FAXDC2: variants seen among roughly 807,000 people sequenced by gnomAD.
FAXDC2 encodes the protein fatty acid hydroxylase domain containing 2, also known as fatty acid hydroxylase domain-containing protein 2.
In FAXDC2, 41 loss-of-function variants were observed where a neutral mutation model predicts 40.9. The ratio of observed to expected loss-of-function variants is 1.00; its 90% CI spans 0.78 to 1.30. The LOEUF is 1.30. FAXDC2 is among the 50% of genes most tolerant of loss of function. The pLI is 0.00. For missense variants in FAXDC2, 390 were observed against 408.8 expected (o/e 0.95, Z 0.40); for synonymous variants, 157 against 149.3 (o/e 1.05, Z -0.38).
chr5:154,830,273 TATC>T (rs2113140394), intron 5 of FAXDC2: 1 of 153,124 alleles, frequency 6.5e-6, no homozygotes, highest in African/African-American at 2.4e-5. Flanking sequence ...GGGCCTCACT[TATC>T]ATGGATTTGC....
chr5:154,824,466 C>T (rs748215051), intron 5 of FAXDC2: 1 of 702,494 alleles, frequency 1.4e-6, no homozygotes, highest in South Asian at 1.5e-5. Context: ...CTGCCTCTTC[C>T]TCCAGCCTTT....
intron 7 of FAXDC2, among the ~76,000 whole-genome samples, chr5:154,821,732 A>G (rs568998544): frequency 1.3e-5 from 2 of 152,238 alleles, no homozygotes; most frequent in South Asian, 4.1e-4. Flanking sequence ...GGATTGCTTG[A>G]GGCCAGGGGT....
intron 5 of FAXDC2, among the ~76,000 whole-genome samples, chr5:154,825,702 G>A (rs13158506): frequency 7.3e-6 from 1 of 137,292 alleles, no homozygotes; most frequent in Non-Finnish European, 1.5e-5. Context: ...TGGTGAATTA[G>A]ACCAGGGTAA....
chr5:154,835,635 C>CA (rs1315688629), intron 2 of FAXDC2, among the ~76,000 whole-genome samples: 1 of 151,680 alleles, frequency 6.6e-6, no homozygotes, highest in Admixed American at 6.6e-5. Context: ...GGCTGGAGTG[C>CA]AGTGGCACGA....
Position 154,834,928 on chromosome 5 carries a change from G to A in FAXDC2, c.55C>T (p.His19Tyr). The change falls in exon 3 of 9, where the codon CAC becomes TAC. Residue 19 changes from histidine to tyrosine, a missense_variant. By Grantham distance (83) the His-to-Tyr change is moderately conservative (BLOSUM62 2). Transcript: ENST00000326080. Reference protein sequence around the residue: ...LHNEKSKQEGHIWGSMRRTAF... With the variant: ...LHNEKSKQEGYIWGSMRRTAF... The stretch of plus-strand genomic sequence containing the variant: ...GTCCTCCTCATAGAGCCCCAGATGT[G>A]TCCCTCCTGGAGGAGGGCAGGGAAG... 6.3e-7 allele frequency: 1 copy of A among 1,594,122 alleles called. No individual in the cohort carries two copies. Among genetic ancestry groups the A allele is most frequent in the Non-Finnish European group, 8.6e-7 (1 of 1,168,680 alleles).
rs1259431722 is a variant in FAXDC2, at chr5:154,820,084, GT to G, written c.*231del. The G allele has an allele frequency of 2.2e-6, 1 of 449,492 alleles. No individual in the cohort carries two copies. The highest frequency in any genetic ancestry group is 4.2e-6 in the Non-Finnish European group (1 of 239,316). The allele number at this position is 449,492 out of a possible 1,614,324, so 27.8% of individuals were successfully genotyped here. ...ACCAGCCTCCAGTCTGGGGAGCTGT[GT>G]TTTCCTTTTTCTTAAGCTAACTCCT... On this transcript the variant is annotated 3_prime_UTR_variant, in exon 9 of 9. Transcript: ENST00000326080.
chr5:154,842,947 C>G (rs1332232770), intron 1 of FAXDC2, among the ~76,000 whole-genome samples: 14 of 152,060 alleles, frequency 9.2e-5, no homozygotes, highest in Non-Finnish European at 1.9e-4. Context: ...ACTGGGATTA[C>G]AGGCATGAAC....
chr5:154,832,014 T>A (rs1760204577), intron 4 of FAXDC2, among the ~76,000 whole-genome samples: 1 of 152,132 alleles, frequency 6.6e-6, no homozygotes, highest in South Asian at 2.1e-4. Context: ...GAAAGATACC[T>A]ACAATCTATT....
At position 154,822,667 on chromosome 5, in the gene FAXDC2, G is replaced by A. The variant is rs558541850; in HGVS notation, c.573-90C>T. On this transcript the variant is annotated intron_variant, in intron 6 of 8. Transcript: ENST00000326080. ...GAGAAACCAAAAATAGGAACTAGGG[G>A]TTACATCCATGGAGCAAAGTTAACA... 4.1e-6 allele frequency: 4 copies of A among 970,300 alleles called. No homozygotes were observed. In the African/African-American group the frequency reaches 4.8e-5, roughly 12 times the overall value. The allele number at this position is 970,300 out of a possible 1,614,324, so 60.1% of individuals were successfully genotyped here.
rs1212348840 is a variant in FAXDC2 at position 154,824,131 on chromosome 5, T to G, written c.367-539A>C. On this transcript the variant is annotated intron_variant, in intron 5 of 8. Coordinates refer to ENST00000326080, the MANE Select transcript of FAXDC2 (RefSeq NM_032385.5). ...CTGCTTATCCAGCTTCTTGACCAACTTGCTGGTTTTCACAGTGATGCTGTG... is the reference window on the plus strand; with the variant it reads ...CTGCTTATCCAGCTTCTTGACCAACGTGCTGGTTTTCACAGTGATGCTGTG... The G allele has an allele frequency of 1.5e-5, 4 of 261,960 alleles. No homozygotes were observed. In the Admixed American group the frequency reaches 2.0e-4, roughly 13 times the overall value. The allele number at this position is 261,960 out of a possible 1,614,324, so 16.2% of individuals were successfully genotyped here. A position where few individuals can be genotyped will look rare whatever the true frequency, so the allele number is the denominator to read the frequency against.
In FAXDC2 at chr5:154,820,489, G is replaced by A. The variant is rs922463954; in HGVS notation, c.846-17C>T. On this transcript the variant is annotated splice_polypyrimidine_tract_variant and intron_variant, in intron 8 of 8. Transcript: ENST00000326080. ...TGGTTGAACCTAGAAGAGAGAGGAC[G>A]GCACTGCAGTGCCCATGCTGGAGGC... is the stretch of plus-strand genomic sequence containing the variant. 18 of 1,594,968 alleles carry A rather than the reference G, an allele frequency of 1.1e-5. No homozygotes were observed. The highest frequency in any genetic ancestry group is 1.7e-5 in the Admixed American group (1 of 57,568).
intron 6 of FAXDC2, 117 bp downstream of exon 6, chr5:154,823,270 T>C: frequency 1.1e-6 from 1 of 912,362 alleles, no homozygotes; most frequent in Non-Finnish European, 1.7e-6. Context: ...CACCTCAGCC[T>C]CCCAAATTGC....
intron 1 of FAXDC2, among the ~76,000 whole-genome samples, chr5:154,841,003 G>T (rs1760464382): frequency 1.3e-5 from 2 of 152,170 alleles, no homozygotes; most frequent in Non-Finnish European, 1.5e-5. Flanking sequence ...AGCAGGAGGG[G>T]TACAGTTAGC....
chr5:154,837,526 AG>A (rs1283797125), intron 2 of FAXDC2, among the ~76,000 whole-genome samples: 1 of 152,156 alleles, frequency 6.6e-6, no homozygotes, highest in African/African-American at 2.4e-5. Flanking sequence ...TTGGAATTTA[AG>A]GGCTCTTTTC....
At chr5:154,847,572 C>G (rs951641042) in intron 1 of FAXDC2, among the ~76,000 whole-genome samples, 6 of 149,710 alleles carry the variant, frequency 4.0e-5, no homozygotes, top group Non-Finnish European at 7.4e-5. Flanking sequence ...ACTGCAGCCT[C>G]TGCCTCCCGG....
intron 4 of FAXDC2, among the ~76,000 whole-genome samples, chr5:154,832,008 G>A (rs1760204443): frequency 6.6e-6 from 1 of 152,002 alleles, no homozygotes. Flanking sequence ...GGCATGGAAA[G>A]ATACCTACAA....
Position 154,829,027 on chromosome 5 carries a change from C to A in FAXDC2, c.366+1774G>T, listed in dbSNP as rs1220813255. ...CTCTGCCTCCCAGGTTCAAGCAATT[C>A]TCCTCCAGGCATGCGCCACCATGCC... is the stretch of plus-strand genomic sequence containing the variant. On this transcript the variant is annotated intron_variant, in intron 5 of 8. Coordinates refer to ENST00000326080, the MANE Select transcript of FAXDC2 (RefSeq NM_032385.5). 7.3e-5 allele frequency among the ~76,000 whole-genome samples: 11 copies of A among 149,980 alleles called. No individual in the cohort carries two copies. The Admixed American group carries it at 7.4e-4, about 10-fold the overall frequency.
intron 1 of FAXDC2, among the ~76,000 whole-genome samples, 157 bp downstream of exon 1, chr5:154,850,326 T>C (rs1220157745): frequency 6.6e-6 from 1 of 152,194 alleles, no homozygotes; most frequent in East Asian, 1.9e-4. Context: ...AACCCTGCCA[T>C]CTAACCCTGT....
At chr5:154,823,203 G>C in intron 6 of FAXDC2, 184 bp downstream of exon 6, 1 of 592,764 alleles carries the variant, frequency 1.7e-6, no homozygotes, top group East Asian at 2.9e-5. Context: ...TTGTAGAGAC[G>C]GGGTCTCCTG....
Sources: gnomAD v4.1 joint callset for allele counts (sites outside exome capture counted in the v4.1 genomes callset) on GRCh38, gnomAD v4.1.1 for gene constraint, MANE v1.5 for transcripts, NCBI Gene and HGNC (gene_info 2026-07-23, HGNC 2026-07-21) for gene names.